The following RARB variants were observed in gnomAD, a reference collection of about 807,000 sequenced individuals.
RARB encodes the protein retinoic acid receptor beta.
Under a neutral mutation model 51.9 loss-of-function variants are expected in RARB, and 17 were observed. The ratio of observed to expected loss-of-function variants is 0.33; its 90% CI spans 0.22 to 0.49. RARB has a LOEUF of 0.49. Among genes scored for constraint, RARB ranks in the 20% least tolerant of loss-of-function variants. The pLI is 0.99. For synonymous variants in RARB, 215 were observed against 195.4 expected (o/e 1.10, Z -0.84); for missense variants, 369 against 550.8 (o/e 0.67, Z 3.30).
At chr3:25,316,854 A>G (rs1010074018) in intron 5 of RARB, among the ~76,000 whole-genome samples, 3 of 152,216 alleles carry the variant, frequency 2.0e-5, no homozygotes, top group Non-Finnish European at 4.4e-5. Flanking sequence ...AAAATGATTT[A>G]AGTCCTAAAA....
intron 2 of RARB, among the ~76,000 whole-genome samples, chr3:25,485,612 A>T (rs899017373): frequency 2.0e-5 from 3 of 152,140 alleles, no homozygotes; most frequent in African/African-American, 7.2e-5. Flanking sequence ...AATTATATTC[A>T]TTACACGGCC....
Position 25,120,527 on chromosome 3 carries a change from ATCTC to A in RARB, c.-327-11601_-327-11598del, listed in dbSNP as rs138649959. Among the ~76,000 whole-genome samples, 946 of 136,144 alleles carry A rather than the reference ATCTC, an allele frequency of 6.9e-3. 18 individuals carry two copies. The highest frequency in any genetic ancestry group is 0.017 in the African/African-American group (597 of 35,650). 89.3% of individuals were successfully genotyped at this position (136,144 alleles called of 152,430 possible). A position where few individuals can be genotyped will look rare whatever the true frequency, so the allele number is the denominator to read the frequency against. On this transcript the variant is annotated intron_variant, in intron 3 of 11. Transcript: ENST00000383772. Reference sequence around the variant, plus strand: ...AAGAAATATAAATATATATATAAAAATCTCTCTCTCTCTCTCTCTCTCTCTCTCT... The same window carrying A: ...AAGAAATATAAATATATATATAAAAATCTCTCTCTCTCTCTCTCTCTCTCT...
At chr3:25,221,564 T>G (rs1364508989) in intron 5 of RARB, among the ~76,000 whole-genome samples, 1 of 152,218 alleles carries the variant, frequency 6.6e-6, no homozygotes, top group East Asian at 1.9e-4. Context: ...TGCACTAGCC[T>G]AAGACATTGG....
At chr3:24,981,017 C>A (rs974773612) in intron 2 of RARB, among the ~76,000 whole-genome samples, 1 of 152,224 alleles carries the variant, frequency 6.6e-6, no homozygotes, top group African/African-American at 2.4e-5. Context: ...TTCTAACAGA[C>A]AGGCCCTTCA....
At chr3:25,196,112 G>A (rs952674812) in intron 5 of RARB, among the ~76,000 whole-genome samples, 2 of 151,940 alleles carry the variant, frequency 1.3e-5, no homozygotes, top group African/African-American at 2.4e-5. Context: ...GGGTACCTGT[G>A]CACAAAGTAC....
At chr3:25,074,905 A>G (rs1698842174) in intron 3 of RARB, among the ~76,000 whole-genome samples, 1 of 152,212 alleles carries the variant, frequency 6.6e-6, no homozygotes, top group Non-Finnish European at 1.5e-5. Context: ...CAAATAATTT[A>G]GGGAATGTGA....
intron 3 of RARB, among the ~76,000 whole-genome samples, chr3:25,084,006 C>A (rs555885567): frequency 9.2e-5 from 14 of 152,192 alleles, no homozygotes; most frequent in African/African-American, 3.1e-4. Context: ...CATCTTCCAG[C>A]CCCTCAGTAG....
At chr3:25,050,434 A>T (rs1450198374) in intron 2 of RARB, among the ~76,000 whole-genome samples, 9 of 142,820 alleles carry the variant, frequency 6.3e-5, no homozygotes, top group East Asian at 1.9e-4. Context: ...CTCATGATTT[A>T]AAAAAAAAAA....
chr3:25,366,568 A>C (rs1706125551), intron 5 of RARB, among the ~76,000 whole-genome samples: 1 of 152,236 alleles, frequency 6.6e-6, no homozygotes, highest in South Asian at 2.1e-4. Context: ...AGAGTTGGAA[A>C]ACTCAACATA....
At position 25,569,888 on chromosome 3, in the gene RARB, T is replaced by C. The variant is rs754683921; in HGVS notation, c.579T>C (p.Pro193=). The C allele has an allele frequency of 1.9e-6, 3 of 1,614,138 alleles. No individual in the cohort carries two copies. Among genetic ancestry groups the C allele is most frequent in the Admixed American group, 1.7e-5 (1 of 60,020 alleles). The change falls in exon 4 of 8, where the codon CCT becomes CCC. Residue 193 remains proline (P), a synonymous_variant. Coordinates refer to ENST00000330688, the MANE Select transcript of RARB (RefSeq NM_000965.5). ...GAAAAGCTCACCAGGAAACTTTCCCTTCACTCTGCCAGCTGGGTAAATACA... is the reference window on the plus strand; with the variant it reads ...GAAAAGCTCACCAGGAAACTTTCCCCTCACTCTGCCAGCTGGGTAAATACA... ...KIRKAHQETF[P]SLCQLGKYTT...
At chr3:25,099,513 A>G (rs973385917) in intron 3 of RARB, among the ~76,000 whole-genome samples, 3 of 151,896 alleles carry the variant, frequency 2.0e-5, no homozygotes, top group South Asian at 4.1e-4. Context: ...ATGCATATGT[A>G]TCATTGAATC....
At chr3:25,536,850 T>A (rs1199544752) in intron 3 of RARB, among the ~76,000 whole-genome samples, 4 of 152,134 alleles carry the variant, frequency 2.6e-5, no homozygotes, top group Non-Finnish European at 5.9e-5. Context: ...TGACATAGGA[T>A]TTTTAGAAGC....
intron 5 of RARB, among the ~76,000 whole-genome samples, chr3:25,235,273 T>A (rs1437910557): frequency 6.6e-6 from 1 of 152,030 alleles, no homozygotes; most frequent in East Asian, 1.9e-4. Flanking sequence ...GTAGAGGGAG[T>A]GGTTTCTAGT....
chr3:25,418,697 C>T (rs1412351961), intron 5 of RARB, among the ~76,000 whole-genome samples: 4 of 152,064 alleles, frequency 2.6e-5, no homozygotes, highest in Non-Finnish European at 5.9e-5. Flanking sequence ...CTAACTCTCA[C>T]TCCACTGAGG....
chr3:25,184,054 C>G (rs774760473), intron 5 of RARB, among the ~76,000 whole-genome samples: 1 of 152,108 alleles, frequency 6.6e-6, no homozygotes, highest in African/African-American at 2.4e-5. Flanking sequence ...CCCTGGTTAA[C>G]TTGGCCCCTA....
chr3:25,103,285 A>G (rs1374031871), intron 3 of RARB, among the ~76,000 whole-genome samples: 1 of 152,192 alleles, frequency 6.6e-6, no homozygotes, highest in Non-Finnish European at 1.5e-5. Flanking sequence ...GTAAATGAGT[A>G]CTTCTTAAAA....
At chr3:24,967,572 C>G (rs1696303279) in intron 2 of RARB, among the ~76,000 whole-genome samples, 1 of 152,140 alleles carries the variant, frequency 6.6e-6, no homozygotes, top group African/African-American at 2.4e-5. Context: ...AACTGGTTGA[C>G]TGATAGTAAG....
intron 4 of RARB, among the ~76,000 whole-genome samples, chr3:25,138,827 C>T (rs1053391491): frequency 6.6e-6 from 1 of 152,084 alleles, no homozygotes; most frequent in African/African-American, 2.4e-5. Flanking sequence ...CTTTATTGTA[C>T]TTTGCAGATA....
chr3:25,365,037 AT>A (rs1187976955), intron 5 of RARB, among the ~76,000 whole-genome samples: 1 of 152,008 alleles, frequency 6.6e-6, no homozygotes, highest in East Asian at 1.9e-4. Context: ...TTGTTTTGAT[AT>A]TTGGGGGATA....
Sources: allele counts gnomAD v4.1 joint callset (sites outside exome capture counted in the v4.1 genomes callset), GRCh38; gene constraint gnomAD v4.1.1; transcripts MANE v1.5; gene names NCBI Gene and HGNC (gene_info 2026-07-23, HGNC 2026-07-21).